Variants in TBC1D8 observed in about 807,000 individuals in gnomAD.
TBC1D8 encodes BUB2-like protein 1.
TBC1D8 carries 65 observed loss-of-function variants against 118.8 expected under a neutral mutation model. That is an observed-to-expected ratio of 0.55 (90% CI 0.45 to 0.67). TBC1D8 has a LOEUF of 0.67. TBC1D8 is among the 30% of genes least tolerant of loss of function. The pLI, the probability that TBC1D8 is intolerant of heterozygous loss-of-function variation, is 0.00. For synonymous variants in TBC1D8, 566 were observed against 595.8 expected, an observed-to-expected ratio of 0.95 and a Z score of 0.73; for missense variants, 1,376 against 1,471.2, an observed-to-expected ratio of 0.94 and a Z score of 1.06.
intron 3 of TBC1D8, among the ~76,000 whole-genome samples, chr2:101,057,851 T>C (rs1682529435): frequency 6.6e-6 from 1 of 152,146 alleles, no homozygotes; most frequent in Admixed American, 6.5e-5. Flanking sequence ...AAATAAACTC[T>C]GTTTTTCTCT....
chr2:101,028,656 A>G, intron 12 of TBC1D8: 1 of 494,012 alleles, frequency 2.0e-6, no homozygotes, highest in Non-Finnish European at 3.5e-6. Flanking sequence ...GAAACTCTCC[A>G]GTGAAGTAAG....
Position 101,008,287 on chromosome 2 carries a change from A to G in TBC1D8, c.3016-14T>C, listed in dbSNP as rs774471393. 7.9e-6 allele frequency: 12 copies of G among 1,512,254 alleles called. No homozygotes were observed. The South Asian group carries it at 1.5e-4, about 19-fold the overall frequency. 93.7% of individuals were successfully genotyped at this position (1,512,254 alleles called of 1,614,324 possible). A position where few individuals can be genotyped will look rare whatever the true frequency, so the allele number is the denominator to read the frequency against. ...GATAAATTCTCTCTGAAATTGAAATAAGTCTTAGGTAGCAGCAGAACCAGG... is the reference window on the plus strand; with the variant it reads ...GATAAATTCTCTCTGAAATTGAAATGAGTCTTAGGTAGCAGCAGAACCAGG... On this transcript the variant is annotated splice_polypyrimidine_tract_variant and intron_variant, in intron 19 of 19. Coordinates refer to ENST00000409318, the MANE Select transcript of TBC1D8 (RefSeq NM_001330348.2).
Position 101,138,488 on chromosome 2 carries a change from T to G in TBC1D8, c.127+12639A>C, listed in dbSNP as rs114394043. Among the ~76,000 whole-genome samples the G allele has an allele frequency of 1.9e-3, 288 of 152,126 alleles. 1 individual carries two copies. Among genetic ancestry groups the G allele is most frequent in the African/African-American group, 6.8e-3 (282 of 41,496 alleles). On this transcript the variant is annotated intron_variant, in intron 1 of 19. Transcript: ENST00000409318. ...CTCGGTCCCACGAGACTGGCCCCAT[T>G]TCAGACGCCAGTCACAAGCCCAAGG...
intron 1 of TBC1D8, among the ~76,000 whole-genome samples, chr2:101,150,544 G>A (rs1030860710): frequency 2.0e-5 from 3 of 152,166 alleles, no homozygotes; most frequent in African/African-American, 7.2e-5. Flanking sequence ...TGAAAGAGAG[G>A]AAAAAACTGA....
Position 101,034,314 on chromosome 2 carries a change from G to A in TBC1D8, c.1604-556C>T, listed in dbSNP as rs564502405. ...CACTGTATTCCCTAGTAGCAGCAGT[G>A]TGCAAGCATGCACATACACACACGC... On this transcript the variant is annotated intron_variant, in intron 9 of 19. Transcript: ENST00000409318. 7.2e-5 allele frequency among the ~76,000 whole-genome samples: 11 copies of A among 152,340 alleles called. No individual in the cohort carries two copies. In the East Asian group the frequency reaches 1.3e-3, roughly 19 times the overall value.
At chr2:101,085,455 T>C (rs912136119) in intron 2 of TBC1D8, among the ~76,000 whole-genome samples, 5 of 152,076 alleles carry the variant, frequency 3.3e-5, no homozygotes, top group Non-Finnish European at 1.5e-5. Flanking sequence ...AGGATCCTAC[T>C]CTCTCACCCA....
At chr2:101,121,348 C>T (rs1369742846) in intron 1 of TBC1D8, among the ~76,000 whole-genome samples, 1 of 152,232 alleles carries the variant, frequency 6.6e-6, no homozygotes, top group Non-Finnish European at 1.5e-5. Context: ...GCTCCACCCA[C>T]TCATCACCTC....
At chr2:101,047,691 C>T (rs973740783) in intron 5 of TBC1D8, among the ~76,000 whole-genome samples, 4 of 152,218 alleles carry the variant, frequency 2.6e-5, no homozygotes, top group Non-Finnish European at 5.9e-5. Context: ...CAGGGCCAGC[C>T]CCACGCACCT....
intron 1 of TBC1D8, among the ~76,000 whole-genome samples, chr2:101,131,438 C>A (rs956084163): frequency 6.6e-6 from 1 of 151,582 alleles, no homozygotes; most frequent in African/African-American, 2.4e-5. Flanking sequence ...TCGCTTGAAC[C>A]CGGGAGGCAG....
At chr2:101,072,024 T>C (rs192273319) in intron 2 of TBC1D8, among the ~76,000 whole-genome samples, 23 of 152,344 alleles carry the variant, frequency 1.5e-4, no homozygotes, top group African/African-American at 5.1e-4. Flanking sequence ...GAATGGATGT[T>C]GTATTAGCAG....
intron 19 of TBC1D8, among the ~76,000 whole-genome samples, chr2:101,009,446 T>TAAC (rs1356588506): frequency 6.6e-6 from 1 of 150,876 alleles, no homozygotes; most frequent in Non-Finnish European, 1.5e-5. Context: ...GGTACTAATA[T>TAAC]AACAAATATT....
chr2:101,031,118 T>C (rs1296169350), intron 11 of TBC1D8, among the ~76,000 whole-genome samples: 2 of 152,192 alleles, frequency 1.3e-5, no homozygotes, highest in South Asian at 2.1e-4. Context: ...AGCTGTCACA[T>C]AGCAACAATC....
chr2:101,076,770 A>G (rs1327365569), intron 2 of TBC1D8, among the ~76,000 whole-genome samples: 8 of 152,230 alleles, frequency 5.3e-5, no homozygotes, highest in Non-Finnish European at 8.8e-5. Flanking sequence ...TAACCTTCAA[A>G]CTGCCCTTAG....
intron 1 of TBC1D8, among the ~76,000 whole-genome samples, chr2:101,122,071 C>CTT (rs544230458): frequency 9.2e-5 from 12 of 131,066 alleles, no homozygotes; most frequent in South Asian, 2.5e-4. Context: ...ATTTCTTTTT[C>CTT]TTTTTTTTTT....
At chr2:101,024,231 A>G (rs1202571714) in intron 15 of TBC1D8, among the ~76,000 whole-genome samples, 1 of 152,228 alleles carries the variant, frequency 6.6e-6, no homozygotes, top group East Asian at 1.9e-4. Flanking sequence ...GAACTAGCCA[A>G]TAAACATGAA....
At chr2:101,105,531 G>T (rs570408777) in intron 1 of TBC1D8, among the ~76,000 whole-genome samples, 1 of 150,042 alleles carries the variant, frequency 6.7e-6, no homozygotes, top group South Asian at 2.1e-4. Flanking sequence ...AGAGGTTGCA[G>T]TGAGCTAAGA....
At chr2:101,012,681 G>T (rs533004155) in intron 17 of TBC1D8, among the ~76,000 whole-genome samples, 1 of 151,822 alleles carries the variant, frequency 6.6e-6, no homozygotes, top group Non-Finnish European at 1.5e-5. Flanking sequence ...TGCATGGTGC[G>T]TGAAATATAT....
chr2:101,109,541 G>A (rs771947888), intron 1 of TBC1D8, among the ~76,000 whole-genome samples: 34 of 152,226 alleles, frequency 2.2e-4, no homozygotes, highest in Non-Finnish European at 4.0e-4. Flanking sequence ...TACTTAGTCC[G>A]TCCTTTTATA....
intron 1 of TBC1D8, among the ~76,000 whole-genome samples, chr2:101,145,656 C>A (rs1279845283): frequency 6.6e-6 from 1 of 152,162 alleles, no homozygotes; most frequent in Admixed American, 6.5e-5. Context: ...GTCAGTTTCA[C>A]CTCCCCCAGT....
Sources: gnomAD v4.1 joint callset for allele counts (sites outside exome capture counted in the v4.1 genomes callset) on GRCh38, gnomAD v4.1.1 for gene constraint, MANE v1.5 for transcripts, NCBI Gene and HGNC (gene_info 2026-07-23, HGNC 2026-07-21) for gene names.